The following HPSE2 variants were observed in gnomAD, a reference collection of about 807,000 sequenced individuals.
The protein encoded by HPSE2 is inactive heparanase-2.
A neutral mutation model predicts 60.5 loss-of-function variants in HPSE2; 38 were observed. The ratio of observed to expected loss-of-function variants is 0.63; its 90% CI spans 0.48 to 0.82. The LOEUF (loss-of-function observed/expected upper bound fraction) is 0.82. Ranked by LOEUF, HPSE2 falls within the 40% of genes least tolerant of loss-of-function variation. The pLI, the probability that HPSE2 is intolerant of heterozygous loss-of-function variation, is 0.00. For missense variants in HPSE2, 713 were observed against 740.4 expected (o/e 0.96, Z 0.43); for synonymous variants, 295 against 293.2 (o/e 1.01, Z -0.06).
intron 3 of HPSE2, among the ~76,000 whole-genome samples, chr10:98,911,875 G>A (rs1490100939): frequency 2.0e-5 from 3 of 152,084 alleles, no homozygotes; most frequent in South Asian, 2.1e-4. Flanking sequence ...GATGGATATG[G>A]GTTTAAAACC....
chr10:99,132,993 G>C (rs1293837861), intron 3 of HPSE2, among the ~76,000 whole-genome samples: 1 of 152,206 alleles, frequency 6.6e-6, no homozygotes, highest in Non-Finnish European at 1.5e-5. Flanking sequence ...CCACTGGCTT[G>C]AAAATCTCAC....
the HPSE2 span, among the ~76,000 whole-genome samples, chr10:99,279,913 T>A: frequency 6.6e-6 from 1 of 152,242 alleles, no homozygotes; most frequent in Non-Finnish European, 1.5e-5. Flanking sequence ...AAATTCACAC[T>A]GGCACATATT....
At chr10:98,826,879 G>A (rs837725) in intron 3 of HPSE2, among the ~76,000 whole-genome samples, 7,575 of 152,172 alleles carry the variant, frequency 0.05, 589 homozygotes, top group African/African-American at 0.17. Flanking sequence ...AAGGCATGGC[G>A]GCTCACACTT....
intron 3 of HPSE2, among the ~76,000 whole-genome samples, chr10:98,941,338 T>A (rs1358027666): frequency 8.4e-6 from 1 of 119,572 alleles, no homozygotes; most frequent in Non-Finnish European, 1.7e-5. Context: ...AAAACCCCAT[T>A]GTCTCAGCCC....
intron 3 of HPSE2, among the ~76,000 whole-genome samples, chr10:98,934,845 G>A (rs1387538894): frequency 7.0e-6 from 1 of 141,916 alleles, no homozygotes; most frequent in Non-Finnish European, 1.5e-5. Flanking sequence ...TTGGGGAAGT[G>A]GAAGTTGCCC....
At chr10:98,880,629 T>A (rs990780289) in intron 3 of HPSE2, among the ~76,000 whole-genome samples, 3 of 152,040 alleles carry the variant, frequency 2.0e-5, no homozygotes, top group Non-Finnish European at 4.4e-5. Context: ...TGCTTCCTTT[T>A]GATTATCAAG....
At chr10:98,692,413 T>C (rs1429378862) in intron 6 of HPSE2, among the ~76,000 whole-genome samples, 2 of 151,938 alleles carry the variant, frequency 1.3e-5, no homozygotes, top group Admixed American at 1.3e-4. Context: ...AGGAGAGACA[T>C]TGTGGGTTTT....
intron 3 of HPSE2, among the ~76,000 whole-genome samples, chr10:99,131,399 G>A (rs905480387): frequency 1.3e-5 from 2 of 152,104 alleles, no homozygotes; most frequent in African/African-American, 4.8e-5. Flanking sequence ...TTTTATAGCA[G>A]CACAATTTGC....
At chr10:98,609,092 C>A (rs1945675586) in intron 9 of HPSE2, among the ~76,000 whole-genome samples, 1 of 152,216 alleles carries the variant, frequency 6.6e-6, no homozygotes, top group Non-Finnish European at 1.5e-5. Context: ...CCAAACTCTT[C>A]TTCCTATGGC....
intron 3 of HPSE2, among the ~76,000 whole-genome samples, chr10:99,064,234 T>C (rs1398429202): frequency 1.3e-5 from 2 of 152,220 alleles, no homozygotes; most frequent in African/African-American, 4.8e-5. Flanking sequence ...ATATATAAAC[T>C]GCCATGTACC....
intron 3 of HPSE2, among the ~76,000 whole-genome samples, chr10:98,959,611 C>T (rs1955598568): frequency 6.6e-6 from 1 of 152,106 alleles, no homozygotes; most frequent in South Asian, 2.1e-4. Context: ...CTGATAAACT[C>T]CAGCAAAATC....
the HPSE2 span, among the ~76,000 whole-genome samples, chr10:99,313,533 T>TAGA: frequency 6.6e-6 from 1 of 150,842 alleles, no homozygotes; most frequent in Non-Finnish European, 1.5e-5. Context: ...ACAACAGATT[T>TAGA]AGAATATTCC....
At chr10:98,659,720 TC>T (rs1947173509) in intron 6 of HPSE2, among the ~76,000 whole-genome samples, 1 of 152,006 alleles carries the variant, frequency 6.6e-6, no homozygotes, top group Admixed American at 6.6e-5. Flanking sequence ...AGTAGGAAGG[TC>T]CTATGGATGG....
chr10:98,792,698 G>T (rs905667170), intron 3 of HPSE2, among the ~76,000 whole-genome samples: 1 of 151,000 alleles, frequency 6.6e-6, no homozygotes, highest in African/African-American at 2.4e-5. Flanking sequence ...AGGGGTCAGA[G>T]TGGTGGTTGT....
rs1944415750 is a variant in HPSE2, at chr10:98,568,751, T to C, written c.1320+46153A>G. On this transcript the variant is annotated intron_variant, in intron 9 of 11. Transcript: ENST00000370552. Reference sequence around the variant, plus strand: ...CAGCCTAGCCACACCAGGATGTTTTTCCTTAGAGCAGCAGTGACATGGGAC... The same window carrying C: ...CAGCCTAGCCACACCAGGATGTTTTCCCTTAGAGCAGCAGTGACATGGGAC... Among the ~76,000 whole-genome samples the C allele has an allele frequency of 2.6e-5, 4 of 152,308 alleles. No homozygotes were observed. In the East Asian group the frequency reaches 5.8e-4, roughly 22 times the overall value.
intron 3 of HPSE2, among the ~76,000 whole-genome samples, chr10:99,074,452 T>A (rs1015925386): frequency 6.6e-6 from 1 of 152,150 alleles, no homozygotes; most frequent in Non-Finnish European, 1.5e-5. Flanking sequence ...TTTCATTCAG[T>A]TTGCTAGTAT....
chr10:98,857,651 T>C (rs1448524552), intron 3 of HPSE2, among the ~76,000 whole-genome samples: 1 of 152,136 alleles, frequency 6.6e-6, no homozygotes, highest in Non-Finnish European at 1.5e-5. Context: ...TGTCTTCTAA[T>C]AGAAAAATAA....
intron 3 of HPSE2, among the ~76,000 whole-genome samples, chr10:99,095,198 A>G (rs1843677982): frequency 6.6e-6 from 1 of 152,146 alleles, no homozygotes; most frequent in African/African-American, 2.4e-5. Context: ...GGAAGAAAAA[A>G]AAAAGAAAAG....
chr10:98,510,771 G>C (rs1942362845), intron 9 of HPSE2, among the ~76,000 whole-genome samples: 1 of 152,234 alleles, frequency 6.6e-6, no homozygotes, highest in Non-Finnish European at 1.5e-5. Context: ...GGAATGCAAA[G>C]ATGAACAAGA....
Sources: gnomAD v4.1 joint callset for allele counts (sites outside exome capture counted in the v4.1 genomes callset) on GRCh38, gnomAD v4.1.1 for gene constraint, MANE v1.5 for transcripts, NCBI Gene and HGNC (gene_info 2026-07-23, HGNC 2026-07-21) for gene names.